The following CPED1 variants were observed in gnomAD, a reference collection of about 807,000 sequenced individuals.
The protein encoded by CPED1 is cadherin-like and PC-esterase domain-containing protein 1.
In CPED1, 114 loss-of-function variants were observed where a neutral mutation model predicts 128.2. The ratio of observed to expected loss-of-function variants is 0.89; its 90% CI spans 0.76 to 1.04. The LOEUF (loss-of-function observed/expected upper bound fraction) is 1.04. Among genes scored for constraint, CPED1 ranks in the 50% least tolerant of loss-of-function variants. CPED1 has a pLI of 0.00. For missense variants in CPED1, 1,211 were observed against 1,207.1 expected (o/e 1.00, Z -0.05); for synonymous variants, 462 against 426.7 (o/e 1.08, Z -1.02).
chr7:121,254,909 T>TAA (rs58987925), intron 18 of CPED1, among the ~76,000 whole-genome samples: 46,066 of 147,028 alleles, frequency 0.31, 7,377 homozygotes, highest in Middle Eastern at 0.45. Flanking sequence ...AATCAGTAAT[T>TAA]AAAAAAAAAA....
At chr7:121,099,450 C>G (rs529171615) in intron 6 of CPED1, among the ~76,000 whole-genome samples, 17 of 152,280 alleles carry the variant, frequency 1.1e-4, no homozygotes, top group African/African-American at 4.1e-4. Context: ...TCAGTGCAAC[C>G]TGCGCCTCCC....
At chr7:121,044,723 T>C in intron 3 of CPED1, among the ~76,000 whole-genome samples, 1 of 143,226 alleles carries the variant, frequency 7.0e-6, no homozygotes, top group South Asian at 2.3e-4. Context: ...AGGTTCTTTA[T>C]AAATTCAATG....
rs190492170 is a variant in CPED1 at position 121,024,334 on chromosome 7, C to T, written c.433+8486C>T. On this transcript the variant is annotated intron_variant, in intron 3 of 22. Transcript: ENST00000310396. ...TCCCCATTCTGATGTTTTCTTTACCCTTCGCTGTGCACAGAGAACAAAAAG... is the reference window on the plus strand; with the variant it reads ...TCCCCATTCTGATGTTTTCTTTACCTTTCGCTGTGCACAGAGAACAAAAAG... Among the ~76,000 whole-genome samples, 50 of 152,172 alleles carry T rather than the reference C, an allele frequency of 3.3e-4. No individual in the cohort carries two copies. In the East Asian group the frequency reaches 7.5e-3, roughly 23 times the overall value.
At chr7:121,079,040 G>C (rs987703335) in intron 5 of CPED1, among the ~76,000 whole-genome samples, 1 of 152,052 alleles carries the variant, frequency 6.6e-6, no homozygotes, top group African/African-American at 2.4e-5. Context: ...TTCCCCTCAG[G>C]ACATCAGCCA....
intron 4 of CPED1, among the ~76,000 whole-genome samples, chr7:121,063,381 G>GAAAAAAAAAAAAAAAAAAAAAAA (rs368502123): frequency 6.0e-5 from 4 of 67,040 alleles, no homozygotes; most frequent in South Asian, 8.0e-4. Context: ...TGAAGAAACT[G>GAAAAAAAAAAAAAAAAAAAAAAA]AAAAAAAAAA....
Position 121,212,259 on chromosome 7 carries a change from G to A in CPED1, c.2056-24455G>A, listed in dbSNP as rs184191210. Among the ~76,000 whole-genome samples, 47 of 152,116 alleles carry A rather than the reference G, an allele frequency of 3.1e-4. 1 individual carries two copies. The highest frequency in any genetic ancestry group is 1.0e-3 in the African/African-American group (42 of 41,550). On this transcript the variant is annotated intron_variant, in intron 16 of 22. Transcript: ENST00000310396. ...GTCAATCTGTTCCAGATTGTCTTGTGTATTTTATGGCTAAGGACTGAATTG... is the reference window on the plus strand; with the variant it reads ...GTCAATCTGTTCCAGATTGTCTTGTATATTTTATGGCTAAGGACTGAATTG...
At chr7:121,177,824 T>A (rs766726462) in intron 16 of CPED1, among the ~76,000 whole-genome samples, 1 of 152,080 alleles carries the variant, frequency 6.6e-6, no homozygotes, top group Non-Finnish European at 1.5e-5. Context: ...AGGAAGCATC[T>A]GCTGTGTTCT....
chr7:121,238,648 A>T (rs11765163), intron 17 of CPED1, among the ~76,000 whole-genome samples: 44,593 of 151,840 alleles, frequency 0.29, 6,981 homozygotes, highest in Middle Eastern at 0.44. Flanking sequence ...GGCCATTCAT[A>T]GGGTGAAGCC....
chr7:121,289,332 TATC>T (rs1792644861), intron 22 of CPED1, among the ~76,000 whole-genome samples: 2 of 152,236 alleles, frequency 1.3e-5, no homozygotes, highest in African/African-American at 4.8e-5. Flanking sequence ...TCAAAATTTT[TATC>T]ATTACATAAT....
intron 3 of CPED1, among the ~76,000 whole-genome samples, chr7:121,019,673 C>CAGTATGAG (rs1394603360): frequency 1.3e-5 from 2 of 151,986 alleles, no homozygotes; most frequent in African/African-American, 4.8e-5. Flanking sequence ...ATTTTGAGAA[C>CAGTATGAG]AGTATGAGAA....
Position 121,295,607 on chromosome 7 carries a change from T to G in CPED1, c.3036T>G (p.Ser1012=). Residue 1012 remains serine, a synonymous_variant, in exon 23 of 23, where the codon TCT becomes TCG. Transcript: ENST00000310396. ...GAGGTCCAATAAATCAGGTTTGTTC[T>G]GAAATCCTTCTCAGCAGGATGTGTG... ...HVRGPINQVC[S]EILLSRMCAN... The G allele has an allele frequency of 6.2e-7, 1 of 1,614,114 alleles. No homozygotes were observed. Among genetic ancestry groups the G allele is most frequent in the East Asian group, 2.2e-5 (1 of 44,886 alleles).
chr7:121,115,159 C>T (rs1418125030), intron 7 of CPED1, among the ~76,000 whole-genome samples: 2 of 152,164 alleles, frequency 1.3e-5, no homozygotes, highest in Non-Finnish European at 2.9e-5. Context: ...AGTCAGTACT[C>T]AGGGCACATG....
rs907306547 is a variant in CPED1, at chr7:121,296,287, C to A, written c.*635C>A. ...ATGAAATATTTTATAGTTAAAACAC[C>A]AATATATTCAACTTTACACTTCTTG... On this transcript the variant is annotated 3_prime_UTR_variant, in exon 23 of 23. Transcript: ENST00000310396. The A allele has an allele frequency of 1.3e-5, 2 of 152,072 alleles. No homozygotes were observed. The highest frequency in any genetic ancestry group is 4.8e-5 in the African/African-American group (2 of 41,420). 9.4% of individuals were successfully genotyped at this position (152,072 alleles called of 1,614,324 possible).
At chr7:121,253,318 G>C (rs1165846773) in intron 18 of CPED1, among the ~76,000 whole-genome samples, 3 of 108,394 alleles carry the variant, frequency 2.8e-5, no homozygotes, top group Non-Finnish European at 5.3e-5. Flanking sequence ...GTTGTGGGGT[G>C]GGGGGTGGGG....
At chr7:121,050,890 C>T (rs1435184357) in intron 4 of CPED1, 2 of 480,336 alleles carry the variant, frequency 4.2e-6, no homozygotes, top group Admixed American at 4.6e-5. Flanking sequence ...ACCTGGCACG[C>T]ACCCTCCTCG....
At chr7:121,200,439 C>T (rs1412023447) in intron 16 of CPED1, among the ~76,000 whole-genome samples, 6 of 151,972 alleles carry the variant, frequency 3.9e-5, no homozygotes, top group African/African-American at 9.7e-5. Flanking sequence ...CCTAGTGTTA[C>T]AAGGAATATA....
chr7:121,162,212 G>A (rs1383160589), intron 16 of CPED1, among the ~76,000 whole-genome samples: 2 of 152,214 alleles, frequency 1.3e-5, no homozygotes, highest in Non-Finnish European at 2.9e-5. Context: ...GAAAGCATAT[G>A]CCCTGTTAAA....
At chr7:121,068,578 G>A (rs1793912744) in intron 5 of CPED1, among the ~76,000 whole-genome samples, 1 of 151,790 alleles carries the variant, frequency 6.6e-6, no homozygotes. Context: ...TTTTGGCTTA[G>A]GATTGACTTG....
At chr7:121,221,548 C>T (rs1797877693) in intron 16 of CPED1, among the ~76,000 whole-genome samples, 1 of 152,212 alleles carries the variant, frequency 6.6e-6, no homozygotes, top group African/African-American at 2.4e-5. Context: ...CACTGTCTTC[C>T]ACAATGGTTG....
Sources: gnomAD v4.1 joint callset for allele counts (sites outside exome capture counted in the v4.1 genomes callset) on GRCh38, gnomAD v4.1.1 for gene constraint, MANE v1.5 for transcripts, NCBI Gene and HGNC (gene_info 2026-07-23, HGNC 2026-07-21) for gene names.